The following MCU variants were observed in gnomAD, a reference collection of about 807,000 sequenced individuals.
The protein encoded by MCU is calcium uniporter protein, mitochondrial.
MCU carries 12 observed loss-of-function variants against 45.2 expected under a neutral mutation model. That is an observed-to-expected ratio of 0.27 (90% CI 0.17 to 0.43). The LOEUF (loss-of-function observed/expected upper bound fraction) is 0.43. Ranked by LOEUF, MCU falls within the 20% of genes least tolerant of loss-of-function variation. The pLI is 1.00. For missense variants in MCU, 324 were observed against 436.7 expected, an observed-to-expected ratio of 0.74 and a Z score of 2.30; for synonymous variants, 160 against 165.1, an observed-to-expected ratio of 0.97 and a Z score of 0.24.
Position 72,885,930 on chromosome 10 carries a change from C to A in MCU, c.*108C>A. On this transcript the variant is annotated 3_prime_UTR_variant, in exon 8 of 8. Transcript: ENST00000373053. ...CATGTGGGGGGTAGAGCGTTTTTAC[C>A]TTTAATTATAAAACAAAAACAGAAA... The A allele has an allele frequency of 1.3e-6, 1 of 775,744 alleles. No homozygotes were observed. The allele number at this position is 775,744 out of a possible 1,614,324, so 48.1% of individuals were successfully genotyped here.
chr10:72,695,075 G>A (rs1564530898), intron 1 of MCU, among the ~76,000 whole-genome samples: 1 of 152,176 alleles, frequency 6.6e-6, no homozygotes, highest in South Asian at 2.1e-4. Context: ...GGTTAGTGAA[G>A]GTGGCTGCTA....
chr10:72,778,764 T>TA (rs1271655206), intron 1 of MCU, among the ~76,000 whole-genome samples: 5 of 151,938 alleles, frequency 3.3e-5, no homozygotes, highest in Admixed American at 2.6e-4. Flanking sequence ...ACTGTTAATA[T>TA]AAAAAATCAC....
intron 1 of MCU, among the ~76,000 whole-genome samples, chr10:72,714,412 T>G (rs1842934358): frequency 7.2e-6 from 1 of 138,340 alleles, no homozygotes; most frequent in African/African-American, 2.7e-5. Context: ...AGGCTGGCCT[T>G]GAATTCCTGG....
intron 4 of MCU, among the ~76,000 whole-genome samples, chr10:72,868,456 G>A (rs187287159): frequency 1.6e-4 from 25 of 151,822 alleles, no homozygotes; most frequent in African/African-American, 5.3e-4. Context: ...GGAAGTTAAC[G>A]TCGGAGGATT....
At chr10:72,840,308 T>A (rs7076278) in intron 2 of MCU, among the ~76,000 whole-genome samples, 69,310 of 152,082 alleles carry the variant, frequency 0.46, 19,983 homozygotes, top group Non-Finnish European at 0.67. Flanking sequence ...TCTTTTCATG[T>A]GTTTATTAAC....
intron 1 of MCU, among the ~76,000 whole-genome samples, chr10:72,788,270 G>A (rs184202678): frequency 1.6e-4 from 24 of 152,274 alleles, no homozygotes; most frequent in Admixed American, 1.3e-4. Flanking sequence ...TTTCAGCAGC[G>A]CTGAAATGAT....
At chr10:72,784,407 A>G (rs1292429776) in intron 1 of MCU, among the ~76,000 whole-genome samples, 1 of 152,234 alleles carries the variant, frequency 6.6e-6, no homozygotes, top group African/African-American at 2.4e-5. Flanking sequence ...TCATTTACTT[A>G]AAATCAAGCC....
At chr10:72,878,214 GC>G (rs1786701244) in intron 6 of MCU, among the ~76,000 whole-genome samples, 1 of 147,130 alleles carries the variant, frequency 6.8e-6, no homozygotes, top group Admixed American at 6.9e-5. Flanking sequence ...ATACTCCCAG[GC>G]TCAAGCAGCC....
chr10:72,706,059 T>C (rs1190392730), intron 1 of MCU, among the ~76,000 whole-genome samples: 1 of 152,224 alleles, frequency 6.6e-6, no homozygotes, highest in Non-Finnish European at 1.5e-5. Context: ...CTGAATTTTA[T>C]GTTTGTTAAT....
chr10:72,860,713 G>A (rs1021663550), intron 4 of MCU, among the ~76,000 whole-genome samples, 186 bp downstream of exon 4: 3 of 152,058 alleles, frequency 2.0e-5, no homozygotes, highest in African/African-American at 7.2e-5. Context: ...CTAGTACGTC[G>A]ACAAAAATCA....
chr10:72,866,952 G>C (rs1845466766), intron 4 of MCU, among the ~76,000 whole-genome samples: 1 of 151,300 alleles, frequency 6.6e-6, no homozygotes. Flanking sequence ...GTGAGCAGCA[G>C]CTTTGGTACA....
intron 1 of MCU, among the ~76,000 whole-genome samples, chr10:72,703,991 T>C (rs1001255309): frequency 1.3e-5 from 2 of 152,222 alleles, no homozygotes; most frequent in Non-Finnish European, 2.9e-5. Context: ...CATTCTGTTT[T>C]GTTAAAGAAA....
chr10:72,751,878 C>A (rs575772617), intron 1 of MCU, among the ~76,000 whole-genome samples: 1 of 150,994 alleles, frequency 6.6e-6, no homozygotes, highest in South Asian at 2.1e-4. Context: ...CTGGCTCTGT[C>A]GCCCAGGCTG....
chr10:72,760,990 A>G (rs140581600), intron 1 of MCU, among the ~76,000 whole-genome samples: 40 of 152,228 alleles, frequency 2.6e-4, no homozygotes, highest in African/African-American at 9.1e-4. Flanking sequence ...TGTTTCTTCT[A>G]GTTGTACTGG....
chr10:72,801,551 C>G (rs1844341548), intron 1 of MCU, among the ~76,000 whole-genome samples: 1 of 151,620 alleles, frequency 6.6e-6, no homozygotes, highest in Non-Finnish European at 1.5e-5. Context: ...CTCTGACCCA[C>G]AGACTTCTCA....
At chr10:72,839,585 A>G (rs1427131170) in intron 2 of MCU, among the ~76,000 whole-genome samples, 1 of 152,006 alleles carries the variant, frequency 6.6e-6, no homozygotes, top group Admixed American at 6.6e-5. Flanking sequence ...ATTCCGGTAT[A>G]TGGAAATATC....
chr10:72,802,409 T>TAAA (rs369833125), intron 1 of MCU, among the ~76,000 whole-genome samples: 4 of 136,406 alleles, frequency 2.9e-5, no homozygotes, highest in South Asian at 2.3e-4. Flanking sequence ...GAGCTTTCTT[T>TAAA]AAAAAAAAAA....
chr10:72,707,606 GGTGTGTGTGT>G (rs373225323), intron 1 of MCU, among the ~76,000 whole-genome samples: 14 of 135,028 alleles, frequency 1.0e-4, no homozygotes, highest in South Asian at 2.3e-4. Flanking sequence ...CGTGGTGAGT[GGTGTGTGTGT>G]GTGTGTGTGT....
At chr10:72,766,222 A>G (rs1843724822) in intron 1 of MCU, among the ~76,000 whole-genome samples, 1 of 152,196 alleles carries the variant, frequency 6.6e-6, no homozygotes, top group Non-Finnish European at 1.5e-5. Context: ...AGAAAGTTGC[A>G]AATTTCAAGT....
Sources: gnomAD v4.1 joint callset for allele counts (sites outside exome capture counted in the v4.1 genomes callset) on GRCh38, gnomAD v4.1.1 for gene constraint, MANE v1.5 for transcripts, NCBI Gene and HGNC (gene_info 2026-07-23, HGNC 2026-07-21) for gene names.